The following HEG1 variants were observed in gnomAD, a reference collection of about 807,000 sequenced individuals.
HEG1 encodes the protein heart development protein with EGF like domains 1.
HEG1 carries 56 observed loss-of-function variants against 125.6 expected under a neutral mutation model. The ratio of observed to expected loss-of-function variants is 0.45; its 90% CI spans 0.36 to 0.56. The LOEUF is 0.56. Ranked by LOEUF, HEG1 falls within the 20% of genes least tolerant of loss-of-function variation. HEG1 has a pLI of 0.00. For synonymous variants in HEG1, 644 were observed against 668.5 expected (o/e 0.96, Z 0.57); for missense variants, 1,523 against 1,670.0 (o/e 0.91, Z 1.53).
intron 12 of HEG1, among the ~76,000 whole-genome samples, chr3:124,992,066 C>G (rs1936842805): frequency 6.6e-6 from 1 of 152,180 alleles, no homozygotes; most frequent in Admixed American, 6.5e-5. Context: ...CTGCTGACAC[C>G]CTTCCATGAG....
At chr3:125,017,939 G>A (rs1937275878) in intron 5 of HEG1, among the ~76,000 whole-genome samples, 1 of 151,904 alleles carries the variant, frequency 6.6e-6, no homozygotes, top group Admixed American at 6.6e-5. Flanking sequence ...TGAGGCAGGA[G>A]AATGGCGTGA....
In HEG1 at chr3:125,042,768, T is replaced by TG. The variant is rs1412138001; in HGVS notation, c.316+12806dup. The stretch of plus-strand genomic sequence containing the variant: ...TACCTTCCACCAAGGGTCCTCCGGA[T>TG]GAGGGGGATTTCAGGCCGGTGGCCA... On this transcript the variant is annotated intron_variant, in intron 1 of 16. Coordinates refer to ENST00000311127, the MANE Select transcript of HEG1 (RefSeq NM_020733.2). Among the ~76,000 whole-genome samples the TG allele has an allele frequency of 1.6e-4, 25 of 152,130 alleles. No homozygotes were observed. In the East Asian group the frequency reaches 4.5e-3, roughly 27 times the overall value.
chr3:124,993,016 C>T (rs1010906861), intron 12 of HEG1, among the ~76,000 whole-genome samples: 9 of 152,190 alleles, frequency 5.9e-5, no homozygotes, highest in East Asian at 1.9e-4. Context: ...AACCTCTTGA[C>T]GAGGATGCCC....
At chr3:124,970,905 GT>G in intron 16 of HEG1, 104 bp from the exon 17 acceptor site, 1 of 988,320 alleles carries the variant, frequency 1.0e-6, no homozygotes, top group Non-Finnish European at 1.5e-6. Flanking sequence ...AAAGATCTGG[GT>G]TTATCCTGTA....
chr3:124,972,700 T>A (rs1356588537), intron 16 of HEG1, among the ~76,000 whole-genome samples: 1 of 152,232 alleles, frequency 6.6e-6, no homozygotes, highest in Non-Finnish European at 1.5e-5. Context: ...GATAACTGTT[T>A]ACTTTTCAGC....
chr3:125,027,556 G>A, intron 2 of HEG1, 49 bp from the exon 3 acceptor site: 1 of 1,473,262 alleles, frequency 6.8e-7, no homozygotes, highest in Non-Finnish European at 9.2e-7. Context: ...ACTTCAAAAT[G>A]TCTTAATATG....
At chr3:124,989,414 C>A (rs1342664856) in intron 14 of HEG1, among the ~76,000 whole-genome samples, 1 of 152,140 alleles carries the variant, frequency 6.6e-6, no homozygotes, top group African/African-American at 2.4e-5. Context: ...AGTCCACTGG[C>A]ACATTTGTCT....
chr3:125,008,414 G>C (rs1937102890), intron 8 of HEG1, among the ~76,000 whole-genome samples: 2 of 152,182 alleles, frequency 1.3e-5, no homozygotes, highest in African/African-American at 2.4e-5. Flanking sequence ...CAAAAACACT[G>C]AGCACTTTTT....
intron 3 of HEG1, among the ~76,000 whole-genome samples, chr3:125,024,930 G>A (rs146133543): frequency 2.0e-5 from 3 of 152,348 alleles, no homozygotes; most frequent in African/African-American, 4.8e-5. Flanking sequence ...ATCACTCATC[G>A]GACTGGTGTA....
chr3:125,050,355 G>A (rs558097500), intron 1 of HEG1, among the ~76,000 whole-genome samples: 1 of 152,198 alleles, frequency 6.6e-6, no homozygotes, highest in South Asian at 2.1e-4. Flanking sequence ...TGTTGGCCAG[G>A]CTGGTCTGGA....
intron 14 of HEG1, among the ~76,000 whole-genome samples, chr3:124,978,701 T>G (rs1440163449): frequency 6.6e-6 from 1 of 152,012 alleles, no homozygotes; most frequent in African/African-American, 2.4e-5. Flanking sequence ...TAAATCTGAT[T>G]TTTATTAAAG....
intron 8 of HEG1, among the ~76,000 whole-genome samples, chr3:125,006,117 G>A (rs1560022893): frequency 6.6e-6 from 1 of 152,238 alleles, no homozygotes; most frequent in East Asian, 1.9e-4. Flanking sequence ...GGACACCCAA[G>A]GGACTTGAGA....
intron 1 of HEG1, among the ~76,000 whole-genome samples, chr3:125,032,154 T>A (rs1209558684): frequency 2.6e-5 from 4 of 152,162 alleles, no homozygotes; most frequent in Non-Finnish European, 5.9e-5. Context: ...GGTGGCTGCG[T>A]CAACCACACG....
chr3:124,992,524 A>G (rs1936851272), intron 12 of HEG1, among the ~76,000 whole-genome samples: 1 of 149,458 alleles, frequency 6.7e-6, no homozygotes, highest in Non-Finnish European at 1.5e-5. Context: ...TAGAGCTGCA[A>G]TACTTGATGG....
Position 124,970,456 on chromosome 3 carries a change from G to A in HEG1, c.*196C>T. On this transcript the variant is annotated 3_prime_UTR_variant, in exon 17 of 17. Transcript: ENST00000311127. ...ATTCACGTTCACAGTAACAACAAAG[G>A]TGCTGAATGAGCAGCCTGTGGTTCC... 2 of 578,550 alleles carry A rather than the reference G, an allele frequency of 3.5e-6. No individual in the cohort carries two copies. Among genetic ancestry groups the A allele is most frequent in the South Asian group, 2.1e-5 (1 of 47,814 alleles). The allele number at this position is 578,550 out of a possible 1,614,324, so 35.8% of individuals were successfully genotyped here.
intron 14 of HEG1, among the ~76,000 whole-genome samples, chr3:124,987,952 C>CATATATATATAT (rs1553776022): frequency 7.3e-5 from 4 of 54,672 alleles, no homozygotes; most frequent in East Asian, 4.7e-4. Context: ...CACACACACA[C>CATATATATATAT]ATATATATAT....
intron 1 of HEG1, among the ~76,000 whole-genome samples, chr3:125,040,652 G>A (rs1937587279): frequency 6.6e-6 from 1 of 151,816 alleles, no homozygotes; most frequent in Non-Finnish European, 1.5e-5. Context: ...GGGTTTCTTT[G>A]TCATTTTAAA....
intron 15 of HEG1, among the ~76,000 whole-genome samples, chr3:124,975,877 A>G (rs1936526607): frequency 6.6e-6 from 1 of 152,256 alleles, no homozygotes; most frequent in Non-Finnish European, 1.5e-5. Context: ...TTTATGCCGG[A>G]ATCATATTCC....
chr3:125,033,913 A>T (rs1253085878), intron 1 of HEG1, among the ~76,000 whole-genome samples: 1 of 152,244 alleles, frequency 6.6e-6, no homozygotes, highest in Non-Finnish European at 1.5e-5. Flanking sequence ...ATGAGAATCT[A>T]ATGCCTGATA....
Sources: allele counts gnomAD v4.1 joint callset (sites outside exome capture counted in the v4.1 genomes callset), GRCh38; gene constraint gnomAD v4.1.1; transcripts MANE v1.5; gene names NCBI Gene and HGNC (gene_info 2026-07-23, HGNC 2026-07-21).